MACROD2: variants seen among roughly 807,000 people sequenced by gnomAD.
MACROD2 encodes ADP-ribose glycohydrolase MACROD2.
MACROD2 carries 36 observed loss-of-function variants against 70.4 expected under a neutral mutation model. The observed-to-expected ratio is 0.51, with a 90% CI of 0.39 to 0.68. The LOEUF (loss-of-function observed/expected upper bound fraction) is 0.68. Among genes scored for constraint, MACROD2 ranks in the 30% least tolerant of loss-of-function variants. The probability of loss-of-function intolerance (pLI) is 0.00; values close to 1 mark genes in which losing one functional copy is unlikely to be tolerated. For synonymous variants in MACROD2, 172 were observed against 178.8 expected, an observed-to-expected ratio of 0.96 and a Z score of 0.30; for missense variants, 496 against 538.4, an observed-to-expected ratio of 0.92 and a Z score of 0.78.
At position 15,360,233 on chromosome 20, in the gene MACROD2, T is replaced by C. The variant is rs76721673; in HGVS notation, c.541-71172T>C. ...GGTAGTCAATAGTATGGGCATATCA[T>C]AGTATCCTTAACCAGTCACCTATTG... is the stretch of plus-strand genomic sequence containing the variant. On this transcript the variant is annotated intron_variant, in intron 6 of 17. Transcript: ENST00000684519. 7.1e-3 allele frequency among the ~76,000 whole-genome samples: 1,083 copies of C among 152,282 alleles called. 20 individuals are homozygous for C. The highest frequency in any genetic ancestry group is 0.025 in the African/African-American group (1,021 of 41,560).
chr20:14,096,561 G>A (rs912498408), intron 3 of MACROD2, among the ~76,000 whole-genome samples: 34 of 151,772 alleles, frequency 2.2e-4, no homozygotes, highest in African/African-American at 8.2e-4. Context: ...TAGAAATGGG[G>A]TTTTGCCATG....
chr20:15,832,077 G>C (rs2064062193), intron 8 of MACROD2, among the ~76,000 whole-genome samples: 1 of 152,130 alleles, frequency 6.6e-6, no homozygotes, highest in Admixed American at 6.5e-5. Context: ...TGCATGATTT[G>C]ATTTTATCCA....
intron 8 of MACROD2, among the ~76,000 whole-genome samples, chr20:15,775,387 G>C (rs2051704856): frequency 6.6e-6 from 1 of 152,060 alleles, no homozygotes; most frequent in Admixed American, 6.5e-5. Flanking sequence ...AGCCAAAAAA[G>C]GAAGGGCAGC....
At chr20:15,033,634 T>C (rs1008195073) in intron 5 of MACROD2, among the ~76,000 whole-genome samples, 8 of 152,238 alleles carry the variant, frequency 5.3e-5, no homozygotes, top group African/African-American at 1.4e-4. Flanking sequence ...AATAAAATAA[T>C]TTAAGCTAAG....
At chr20:14,199,176 A>G (rs1483585363) in intron 3 of MACROD2, among the ~76,000 whole-genome samples, 1 of 152,214 alleles carries the variant, frequency 6.6e-6, no homozygotes, top group Non-Finnish European at 1.5e-5. Context: ...TGCCTACATA[A>G]AATGATGGTT....
At chr20:15,074,839 C>T (rs753591540) in intron 5 of MACROD2, among the ~76,000 whole-genome samples, 3 of 152,136 alleles carry the variant, frequency 2.0e-5, no homozygotes, top group Non-Finnish European at 2.9e-5. Context: ...TATCCTTCCA[C>T]GTATTTACTG....
At chr20:14,943,033 G>A (rs2074403296) in intron 5 of MACROD2, among the ~76,000 whole-genome samples, 3 of 152,130 alleles carry the variant, frequency 2.0e-5, no homozygotes, top group Admixed American at 1.3e-4. Flanking sequence ...AATGACAGCT[G>A]TTTCTAACCT....
chr20:15,673,781 GAAA>G (rs33967551), intron 8 of MACROD2, among the ~76,000 whole-genome samples: 1 of 138,416 alleles, frequency 7.2e-6, no homozygotes, highest in African/African-American at 2.8e-5. Flanking sequence ...CAGTAGGGAG[GAAA>G]AAAAAAAAAA....
chr20:15,650,985 GT>G (rs2049634665), intron 8 of MACROD2, among the ~76,000 whole-genome samples: 1 of 152,128 alleles, frequency 6.6e-6, no homozygotes, highest in Non-Finnish European at 1.5e-5. Flanking sequence ...CTCTTAGAGG[GT>G]ACTGTTTATT....
Position 15,692,069 on chromosome 20 carries a change from G to A in MACROD2, c.646-170676G>A, listed in dbSNP as rs144176644. ...GCCACATGGAGAGAATATGCTGATC[G>A]GATGGACTTTGATTATTCTAGTTCC... On this transcript the variant is annotated intron_variant, in intron 8 of 17. Coordinates refer to ENST00000684519, the MANE Select transcript of MACROD2 (RefSeq NM_001351661.2). 2.1e-3 allele frequency among the ~76,000 whole-genome samples: 312 copies of A among 152,184 alleles called. 1 individual carries two copies. Among genetic ancestry groups the A allele is most frequent in the African/African-American group, 7.3e-3 (303 of 41,518 alleles).
intron 3 of MACROD2, among the ~76,000 whole-genome samples, chr20:14,477,165 A>G (rs1301912445): frequency 1.3e-5 from 2 of 152,164 alleles, no homozygotes; most frequent in African/African-American, 4.8e-5. Context: ...GCATAGTAGG[A>G]GTTCAAATGC....
intron 4 of MACROD2, among the ~76,000 whole-genome samples, chr20:14,684,513 G>A (rs909113754): frequency 6.6e-6 from 1 of 152,014 alleles, no homozygotes; most frequent in African/African-American, 2.4e-5. Context: ...GCTTAAAATT[G>A]GATATGGGGA....
chr20:14,085,679 C>T lies in MACROD2; in HGVS notation c.222C>T (p.Leu74=). 1 of 1,575,420 alleles carries T rather than the reference C, an allele frequency of 6.3e-7. No individual in the cohort carries two copies. Among genetic ancestry groups the T allele is most frequent in the Non-Finnish European group, 8.6e-7 (1 of 1,160,162 alleles). Residue 74 remains leucine, a synonymous_variant, in exon 3 of 18, where the codon CTC becomes CTT. Coordinates refer to ENST00000684519, the MANE Select transcript of MACROD2 (RefSeq NM_001351661.2). ...AAAGTTTGACTGAAAAAGTTTCTCT[C>T]TATAGAGGTGACATCACATTGCTAG... ...VKKSLTEKVS[L]YRGDITLLEV...
At chr20:14,817,182 G>A (rs58450257) in intron 5 of MACROD2, among the ~76,000 whole-genome samples, 2,685 of 152,172 alleles carry the variant, frequency 0.018, 73 homozygotes, top group African/African-American at 0.06. Flanking sequence ...CTTATCCAAT[G>A]TACTTGTTGC....
At chr20:14,078,528 T>C (rs2053946913) in intron 2 of MACROD2, among the ~76,000 whole-genome samples, 1 of 152,106 alleles carries the variant, frequency 6.6e-6, no homozygotes, top group East Asian at 1.9e-4. Context: ...TGCCTCAGCC[T>C]CCCGAGTACC....
chr20:14,745,510 G>A (rs58128120), intron 5 of MACROD2, among the ~76,000 whole-genome samples: 1 of 152,200 alleles, frequency 6.6e-6, no homozygotes, highest in African/African-American at 2.4e-5. Flanking sequence ...GGATATCATA[G>A]TGGTTAAGGC....
intron 5 of MACROD2, among the ~76,000 whole-genome samples, chr20:14,858,039 T>C (rs1243781933): frequency 6.6e-6 from 1 of 152,162 alleles, no homozygotes; most frequent in African/African-American, 2.4e-5. Context: ...CAGGCTGGTC[T>C]CATACTCCTG....
At chr20:14,893,364 G>A (rs562635709) in intron 5 of MACROD2, 1 of 151,986 alleles carries the variant, frequency 6.6e-6, no homozygotes, top group African/African-American at 2.4e-5. Flanking sequence ...ATTTTTTTGA[G>A]GAAATTTAAT....
intron 3 of MACROD2, among the ~76,000 whole-genome samples, chr20:14,157,590 T>G (rs983371039): frequency 2.6e-5 from 4 of 152,110 alleles, no homozygotes; most frequent in African/African-American, 9.7e-5. Context: ...ATCTTATCAC[T>G]TTACTCTCTA....
Sources: gnomAD v4.1 joint callset for allele counts (sites outside exome capture counted in the v4.1 genomes callset) on GRCh38, gnomAD v4.1.1 for gene constraint, MANE v1.5 for transcripts, NCBI Gene and HGNC (gene_info 2026-07-23, HGNC 2026-07-21) for gene names.